Variants in NBEAL1 observed in about 807,000 individuals in gnomAD.
NBEAL1 encodes neurobeachin like 1, also known as neurobeachin-like protein 1.
NBEAL1 carries 273 observed loss-of-function variants against 351.3 expected under a neutral mutation model. The observed-to-expected ratio is 0.78, with a 90% CI of 0.70 to 0.86. The LOEUF (loss-of-function observed/expected upper bound fraction) is 0.86. Ranked by LOEUF, NBEAL1 falls within the 40% of genes least tolerant of loss-of-function variation. The pLI, the probability that NBEAL1 is intolerant of heterozygous loss-of-function variation, is 0.00. For synonymous variants in NBEAL1, 1,050 were observed against 1,086.4 expected (o/e 0.97, Z 0.66); for missense variants, 2,961 against 3,201.3 (o/e 0.92, Z 1.81).
intron 2 of NBEAL1, among the ~76,000 whole-genome samples, chr2:203,036,597 A>G (rs2061043527): frequency 6.7e-6 from 1 of 149,248 alleles, no homozygotes; most frequent in African/African-American, 2.4e-5. Context: ...GTAAGGAGTA[A>G]ATGGGATGAT....
chr2:203,109,266 A>G (rs192492311), intron 14 of NBEAL1, among the ~76,000 whole-genome samples: 3 of 152,154 alleles, frequency 2.0e-5, no homozygotes, highest in Admixed American at 6.5e-5. Context: ...CTGAGGTACA[A>G]GAATCACTTA....
intron 8 of NBEAL1, among the ~76,000 whole-genome samples, chr2:203,082,578 C>G (rs1306465516): frequency 1.3e-5 from 2 of 152,162 alleles, no homozygotes; most frequent in African/African-American, 4.8e-5. Flanking sequence ...TATGGAATTT[C>G]AGAAATATGT....
chr2:203,104,711 T>A (rs1312487297), intron 12 of NBEAL1, among the ~76,000 whole-genome samples: 5 of 152,168 alleles, frequency 3.3e-5, no homozygotes, highest in Non-Finnish European at 5.9e-5. Context: ...TATTTAGCAC[T>A]CCCTTCAGGA....
At chr2:203,076,589 C>CTTTT (rs369481909) in intron 7 of NBEAL1, among the ~76,000 whole-genome samples, 10 of 109,198 alleles carry the variant, frequency 9.2e-5, no homozygotes, top group Admixed American at 2.4e-4. Flanking sequence ...GTACTATGTA[C>CTTTT]TTTTTTTTTT....
At chr2:203,160,569 T>C (rs929813527) in intron 36 of NBEAL1, among the ~76,000 whole-genome samples, 1 of 152,176 alleles carries the variant, frequency 6.6e-6, no homozygotes, top group African/African-American at 2.4e-5. Context: ...ACAGTTTCTT[T>C]TTACTGCTTT....
Position 203,110,222 on chromosome 2 carries a change from C to T in NBEAL1, c.2022C>T (p.Cys674=). 1 of 1,553,474 alleles carries T rather than the reference C, an allele frequency of 6.4e-7. No individual in the cohort carries two copies. The highest frequency in any genetic ancestry group is 8.7e-7 in the Non-Finnish European group (1 of 1,147,382). The change falls in exon 15 of 56, where the codon TGC becomes TGT. Residue 674 remains cysteine, a synonymous_variant. Transcript: ENST00000683969. The part of the protein sequence containing the change: ...THSGMLVVAV[C]TKREYATVML... ...CAGGTATGTTGGTCGTGGCAGTGTGCACAAAAAGAGAATATGCAACGGTTA... is the reference window on the plus strand; with the variant it reads ...CAGGTATGTTGGTCGTGGCAGTGTGTACAAAAAGAGAATATGCAACGGTTA...
chr2:203,154,816 C>T lies in NBEAL1; in HGVS notation c.5588-2883C>T, dbSNP rs1433014200. On this transcript the variant is annotated intron_variant, in intron 35 of 55. Transcript: ENST00000683969. ...ACGATTTTTTGTAGCATGGCACATA[C>T]TTGTAGTTGGAGCTACTCAGAGGTG... Among the ~76,000 whole-genome samples, 3 of 149,638 alleles carry T rather than the reference C, an allele frequency of 2.0e-5. No individual in the cohort carries two copies. The East Asian group carries it at 5.9e-4, about 30-fold the overall frequency.
At chr2:203,087,284 G>T (rs2061982816) in intron 10 of NBEAL1, among the ~76,000 whole-genome samples, 1 of 150,426 alleles carries the variant, frequency 6.6e-6, no homozygotes, top group Admixed American at 6.6e-5. Flanking sequence ...GTAGAGATGG[G>T]GTTTCACCAC....
intron 3 of NBEAL1, among the ~76,000 whole-genome samples, chr2:203,047,487 C>T (rs891998413): frequency 6.6e-6 from 1 of 152,134 alleles, no homozygotes; most frequent in Non-Finnish European, 1.5e-5. Context: ...TGTGTTTCTA[C>T]TGTCCTTCTC....
At chr2:203,095,159 T>TA (rs1175722830) in intron 10 of NBEAL1, among the ~76,000 whole-genome samples, 1 of 152,068 alleles carries the variant, frequency 6.6e-6, no homozygotes. Flanking sequence ...AGAAAACTAT[T>TA]ATCTTTAGTA....
At position 203,190,293 on chromosome 2, in the gene NBEAL1, A is replaced by G; in HGVS notation, c.6825A>G (p.Gly2275=). The G allele has an allele frequency of 2.5e-6, 4 of 1,602,912 alleles. No individual in the cohort carries two copies. Among genetic ancestry groups the G allele is most frequent in the Non-Finnish European group, 3.4e-6 (4 of 1,176,568 alleles). The change falls in exon 46 of 56, where the codon GGA becomes GGG. Residue 2275 remains glycine, a splice_region_variant and synonymous_variant. Coordinates refer to ENST00000683969, the MANE Select transcript of NBEAL1 (RefSeq NM_001378026.1). ...TAAGTTGACTTCTTCTGGTTTTAGG[A>G]GCTGTGGATCTGGATGCCTTAACAG... ...LNVFYYCSYE[G]AVDLDALTDE...
At chr2:203,164,686 C>A (rs987250019) in intron 36 of NBEAL1, among the ~76,000 whole-genome samples, 1 of 151,884 alleles carries the variant, frequency 6.6e-6, no homozygotes, top group South Asian at 2.1e-4. Flanking sequence ...TGCAACATTG[C>A]AAGCTTAAAA....
intron 7 of NBEAL1, among the ~76,000 whole-genome samples, chr2:203,075,559 T>C (rs1448550436): frequency 6.6e-6 from 1 of 152,238 alleles, no homozygotes; most frequent in Non-Finnish European, 1.5e-5. Context: ...TGAGGATAGA[T>C]ACTGAGACCC....
chr2:203,163,436 T>C (rs115652888), intron 36 of NBEAL1, among the ~76,000 whole-genome samples: 1 of 152,030 alleles, frequency 6.6e-6, no homozygotes, highest in Non-Finnish European at 1.5e-5. Context: ...AATTTTATAT[T>C]CTTTTTATAT....
chr2:203,098,146 A>G (rs2062224162), intron 11 of NBEAL1, among the ~76,000 whole-genome samples: 1 of 152,212 alleles, frequency 6.6e-6, no homozygotes. Context: ...CTAGAAATTC[A>G]AGTCTATACA....
At chr2:203,101,177 G>T (rs2062311599) in intron 12 of NBEAL1, among the ~76,000 whole-genome samples, 1 of 152,070 alleles carries the variant, frequency 6.6e-6, no homozygotes, top group Non-Finnish European at 1.5e-5. Flanking sequence ...GTTGATTTTT[G>T]TGTATTGTAA....
intron 35 of NBEAL1, among the ~76,000 whole-genome samples, chr2:203,154,235 CA>C (rs568311684): frequency 0.11 from 7,752 of 69,964 alleles, 555 homozygotes; most frequent in African/African-American, 0.29. Flanking sequence ...GACCCCGTCT[CA>C]AAAAAAAAAA....
intron 21 of NBEAL1, 136 bp from the exon 22 acceptor site, chr2:203,126,421 C>A: frequency 1.4e-6 from 1 of 708,056 alleles, no homozygotes; most frequent in South Asian, 3.6e-5. Context: ...AAAACCAATA[C>A]TTAAGTTTTT....
At chr2:203,150,036 G>C (rs1230440662) in intron 34 of NBEAL1, among the ~76,000 whole-genome samples, 1 of 152,118 alleles carries the variant, frequency 6.6e-6, no homozygotes, top group East Asian at 1.9e-4. Flanking sequence ...TTGTGTACAA[G>C]TGTTTGAACA....
Sources: gnomAD v4.1 joint callset for allele counts (sites outside exome capture counted in the v4.1 genomes callset) on GRCh38, gnomAD v4.1.1 for gene constraint, MANE v1.5 for transcripts, NCBI Gene and HGNC (gene_info 2026-07-23, HGNC 2026-07-21) for gene names.